PREX2: variants seen among roughly 807,000 people sequenced by gnomAD.
PREX2 encodes the protein phosphatidylinositol 3,4,5-trisphosphate-dependent Rac exchanger 2 protein.
A neutral mutation model predicts 203.2 loss-of-function variants in PREX2; 107 were observed. That is an observed-to-expected ratio of 0.53 (90% CI 0.45 to 0.62). PREX2 has a LOEUF of 0.62. Among genes scored for constraint, PREX2 ranks in the 20% least tolerant of loss-of-function variants. The pLI is 0.00. For missense variants in PREX2, 1,777 were observed against 1,955.9 expected (o/e 0.91, Z 1.72); for synonymous variants, 672 against 663.6 (o/e 1.01, Z -0.19).
intron 1 of PREX2, among the ~76,000 whole-genome samples, chr8:68,013,888 G>A (rs1807336614): frequency 6.6e-6 from 1 of 152,130 alleles, no homozygotes; most frequent in South Asian, 2.1e-4. Context: ...AAGGTTTAGT[G>A]CTGTATGATA....
At chr8:68,128,325 T>C (rs1302331400) in intron 31 of PREX2, among the ~76,000 whole-genome samples, 1 of 152,210 alleles carries the variant, frequency 6.6e-6, no homozygotes, top group Admixed American at 6.5e-5. Flanking sequence ...CTAAAAAATA[T>C]AACCTGAATG....
chr8:68,008,555 T>C (rs745810415), intron 1 of PREX2, among the ~76,000 whole-genome samples: 1 of 151,974 alleles, frequency 6.6e-6, no homozygotes, highest in Non-Finnish European at 1.5e-5. Flanking sequence ...AAAGAAAAGG[T>C]AAAGTAAGTG....
chr8:68,064,243 G>GC, intron 11 of PREX2, among the ~76,000 whole-genome samples: 1 of 152,272 alleles, frequency 6.6e-6, no homozygotes, highest in Non-Finnish European at 1.5e-5. Flanking sequence ...GCTCATACAA[G>GC]CTCCTGAGAG....
At chr8:67,963,434 T>G (rs1002073578) in intron 1 of PREX2, among the ~76,000 whole-genome samples, 1 of 152,198 alleles carries the variant, frequency 6.6e-6, no homozygotes, top group African/African-American at 2.4e-5. Context: ...TTTATTTAAC[T>G]CTGTCCTAAA....
At chr8:68,148,686 G>T (rs371917783) in intron 34 of PREX2, among the ~76,000 whole-genome samples, 2 of 152,200 alleles carry the variant, frequency 1.3e-5, no homozygotes, top group East Asian at 1.9e-4. Flanking sequence ...GCAAACATTA[G>T]GTTTTGGTAT....
chr8:68,132,266 G>GTT (rs1222737828), intron 31 of PREX2, among the ~76,000 whole-genome samples: 1 of 151,314 alleles, frequency 6.6e-6, no homozygotes, highest in Non-Finnish European at 1.5e-5. Context: ...TAGGTGTTTA[G>GTT]TTTTTTTTCT....
At chr8:68,039,446 C>G (rs1808130337) in intron 7 of PREX2, among the ~76,000 whole-genome samples, 1 of 152,162 alleles carries the variant, frequency 6.6e-6, no homozygotes. Context: ...CTGTGGGGCT[C>G]TGCATTTGAC....
chr8:68,000,765 A>T (rs1296973801), intron 1 of PREX2, among the ~76,000 whole-genome samples: 1 of 152,196 alleles, frequency 6.6e-6, no homozygotes, highest in Non-Finnish European at 1.5e-5. Flanking sequence ...AGACCAATGG[A>T]ACAGAATAAA....
chr8:68,218,129 G>A (rs538202084), intron 38 of PREX2, among the ~76,000 whole-genome samples: 1 of 152,320 alleles, frequency 6.6e-6, no homozygotes, highest in South Asian at 2.1e-4. Flanking sequence ...CTGGTTCCTG[G>A]TGACTGCCAA....
rs140154153 is a variant in PREX2, at chr8:67,966,292, A to T, written c.141+13757A>T. On this transcript the variant is annotated intron_variant, in intron 1 of 39. Transcript: ENST00000288368. ...AACATTTAAAGAAAATAAATTGCCT[A>T]TAGTTTTACTATGTTGTACTATATA... 8.6e-3 allele frequency among the ~76,000 whole-genome samples: 1,312 copies of T among 152,318 alleles called. 13 individuals are homozygous for T. Among genetic ancestry groups the T allele is most frequent in the African/African-American group, 0.03 (1,229 of 41,572 alleles).
intron 25 of PREX2, 77 bp downstream of exon 25, chr8:68,109,700 T>C (rs1384593313): frequency 8.4e-7 from 1 of 1,193,742 alleles, no homozygotes; most frequent in Non-Finnish European, 1.2e-6. Flanking sequence ...AATTCAATCA[T>C]TCTCTCTTTA....
Position 67,994,502 on chromosome 8 carries a change from C to T in PREX2, c.142-23344C>T, listed in dbSNP as rs1000183892. ...TGTTTTGTTAAATCTTAAATAGATT[C>T]CTTGTACTTGAAGACAATGATATAG... is the stretch of plus-strand genomic sequence containing the variant. On this transcript the variant is annotated intron_variant, in intron 1 of 39. Coordinates refer to ENST00000288368, the MANE Select transcript of PREX2 (RefSeq NM_024870.4). 2.0e-5 allele frequency among the ~76,000 whole-genome samples: 3 copies of T among 152,214 alleles called. No homozygotes were observed. In the East Asian group the frequency reaches 5.8e-4, roughly 29 times the overall value.
chr8:67,982,108 A>G (rs916098853), intron 1 of PREX2, among the ~76,000 whole-genome samples: 2 of 152,176 alleles, frequency 1.3e-5, no homozygotes, highest in Middle Eastern at 6.3e-3. Flanking sequence ...AAGTTATGTA[A>G]TAGCTTTGTC....
intron 31 of PREX2, among the ~76,000 whole-genome samples, chr8:68,130,266 G>T (rs894240623): frequency 1.3e-5 from 2 of 148,846 alleles, no homozygotes; most frequent in African/African-American, 5.0e-5. Context: ...CTCCAGCCTG[G>T]GTGACAGAGC....
At chr8:68,025,831 AC>A (rs568473918) in intron 4 of PREX2, among the ~76,000 whole-genome samples, 20 of 152,080 alleles carry the variant, frequency 1.3e-4, no homozygotes, top group Non-Finnish European at 2.8e-4. Context: ...GTGGTAGCCA[AC>A]CTGTGGTATT....
intron 1 of PREX2, among the ~76,000 whole-genome samples, chr8:67,968,042 G>A (rs1332309791): frequency 5.4e-5 from 8 of 149,304 alleles, no homozygotes; most frequent in African/African-American, 2.0e-4. Context: ...CCTGCATGTT[G>A]TGCACATGTA....
In PREX2 at chr8:67,961,924, T is replaced by C. The variant is rs114701596; in HGVS notation, c.141+9389T>C. On this transcript the variant is annotated intron_variant, in intron 1 of 39. Transcript: ENST00000288368. ...ATATTTTCCATTAAAAGGCAAGCCC[T>C]TCATTTGAAAGGTTAAATTGTATAG... Among the ~76,000 whole-genome samples the C allele has an allele frequency of 1.0e-2, 1,519 of 152,324 alleles. 25 individuals are homozygous for C. The highest frequency in any genetic ancestry group is 0.033 in the African/African-American group (1,382 of 41,574).
chr8:68,079,899 G>A (rs561475665), intron 15 of PREX2, among the ~76,000 whole-genome samples: 4 of 152,108 alleles, frequency 2.6e-5, no homozygotes, highest in Non-Finnish European at 5.9e-5. Flanking sequence ...ACAGGAATTC[G>A]TGGAAACTGA....
chr8:68,223,042 G>A (rs2129615447), intron 38 of PREX2, among the ~76,000 whole-genome samples: 1 of 152,314 alleles, frequency 6.6e-6, no homozygotes, highest in African/African-American at 2.4e-5. Flanking sequence ...GTAAGCGAAA[G>A]GCAATATGGG....
Sources: gnomAD v4.1 joint callset for allele counts (sites outside exome capture counted in the v4.1 genomes callset) on GRCh38, gnomAD v4.1.1 for gene constraint, MANE v1.5 for transcripts, NCBI Gene and HGNC (gene_info 2026-07-23, HGNC 2026-07-21) for gene names.